TMEM51: variants seen among roughly 807,000 people sequenced by gnomAD.
TMEM51 encodes chromosome 1 open reading frame 72.
TMEM51 carries 8 observed loss-of-function variants against 13.6 expected under a neutral mutation model. The ratio of observed to expected loss-of-function variants is 0.59; its 90% CI spans 0.35 to 1.07. TMEM51 has a LOEUF of 1.07. TMEM51 is among the 50% of genes least tolerant of loss of function. The pLI is 0.02. For missense variants in TMEM51, 279 were observed against 330.7 expected (o/e 0.84, Z 1.21); for synonymous variants, 147 against 144.4 (o/e 1.02, Z -0.13).
intron 1 of TMEM51, among the ~76,000 whole-genome samples, chr1:15,194,949 G>A (rs1303958885): frequency 7.5e-6 from 1 of 133,930 alleles, no homozygotes; most frequent in African/African-American, 2.8e-5. Flanking sequence ...TTGAGACAGG[G>A]TCTTGCTGTG....
chr1:15,179,113 AAG>A (rs1643535746), intron 1 of TMEM51, among the ~76,000 whole-genome samples: 2 of 151,490 alleles, frequency 1.3e-5, no homozygotes, highest in African/African-American at 2.4e-5. Flanking sequence ...TGGGGCTTAA[AAG>A]AGAACAGACT....
chr1:15,213,638 G>A (rs781131857), intron 2 of TMEM51, among the ~76,000 whole-genome samples: 1 of 152,170 alleles, frequency 6.6e-6, no homozygotes, highest in Admixed American at 6.6e-5. Context: ...TCCCAGGACC[G>A]CTGGCTGCTC....
At chr1:15,196,054 T>C (rs1233170950) in intron 1 of TMEM51, among the ~76,000 whole-genome samples, 1 of 152,228 alleles carries the variant, frequency 6.6e-6, no homozygotes, top group African/African-American at 2.4e-5. Context: ...GCGACTTTGC[T>C]GTGTGTGCAT....
At chr1:15,195,116 AGAGATG>A (rs892165094) in intron 1 of TMEM51, among the ~76,000 whole-genome samples, 2 of 151,558 alleles carry the variant, frequency 1.3e-5, no homozygotes, top group Non-Finnish European at 2.9e-5. Context: ...TATTTTTTGT[AGAGATG>A]GGGTTTCGTC....
intron 1 of TMEM51, among the ~76,000 whole-genome samples, chr1:15,200,118 A>T (rs1644126216): frequency 6.6e-6 from 1 of 152,022 alleles, no homozygotes; most frequent in Non-Finnish European, 1.5e-5. Flanking sequence ...AGGCCTTTAC[A>T]TAGGGGATCA....
chr1:15,186,475 G>C (rs1233373773), intron 1 of TMEM51, among the ~76,000 whole-genome samples: 3 of 152,158 alleles, frequency 2.0e-5, no homozygotes, highest in Non-Finnish European at 4.4e-5. Context: ...GGAGAGCGGG[G>C]GGTCATGGAT....
At chr1:15,178,790 C>T (rs1324737625) in intron 1 of TMEM51, among the ~76,000 whole-genome samples, 2 of 152,158 alleles carry the variant, frequency 1.3e-5, no homozygotes, top group Non-Finnish European at 2.9e-5. Flanking sequence ...TGCATTGGTC[C>T]CCTGGAGGTC....
chr1:15,209,345 C>T (rs1425073629), intron 1 of TMEM51, among the ~76,000 whole-genome samples: 1 of 152,070 alleles, frequency 6.6e-6, no homozygotes, highest in East Asian at 1.9e-4. Flanking sequence ...GATCCTCCCA[C>T]CTTGGCCTCC....
chr1:15,212,610 C>T (rs555165411), intron 2 of TMEM51, among the ~76,000 whole-genome samples: 1 of 152,342 alleles, frequency 6.6e-6, no homozygotes, highest in East Asian at 1.9e-4. Context: ...GACCTTGTCC[C>T]AGATCCATTT....
chr1:15,199,715 G>A (rs1166147579), intron 1 of TMEM51, among the ~76,000 whole-genome samples: 2 of 152,092 alleles, frequency 1.3e-5, no homozygotes, highest in African/African-American at 4.8e-5. Flanking sequence ...CTTTCCCTGT[G>A]GTACCTGCAC....
chr1:15,180,949 T>G (rs894118610), intron 1 of TMEM51, among the ~76,000 whole-genome samples: 2 of 152,200 alleles, frequency 1.3e-5, no homozygotes, highest in South Asian at 4.1e-4. Flanking sequence ...CACTGCACCA[T>G]GCTGTCATCA....
chr1:15,184,414 T>C (rs1573408006), intron 1 of TMEM51, among the ~76,000 whole-genome samples: 1 of 152,096 alleles, frequency 6.6e-6, no homozygotes, highest in South Asian at 2.1e-4. Flanking sequence ...GGGCAGAGGG[T>C]GGATCCAGGT....
chr1:15,176,716 G>T (rs1461306008), intron 1 of TMEM51, among the ~76,000 whole-genome samples: 1 of 152,240 alleles, frequency 6.6e-6, no homozygotes, highest in Non-Finnish European at 1.5e-5. Context: ...AGGAATTAAA[G>T]AATTCAGGTT....
At chr1:15,164,321 C>T (rs1177335293) in intron 1 of TMEM51, 1 of 455,934 alleles carries the variant, frequency 2.2e-6, no homozygotes, top group African/African-American at 2.0e-5. Flanking sequence ...AACTGTGACA[C>T]TTTCTCAGTC....
Position 15,219,700 on chromosome 1 carries a change from A to G in TMEM51, c.719A>G (p.Asp240Gly). The G allele has an allele frequency of 6.2e-7, 1 of 1,613,784 alleles. No individual in the cohort carries two copies. Among genetic ancestry groups the G allele is most frequent in the Non-Finnish European group, 8.5e-7 (1 of 1,180,030 alleles). Residue 240 changes from aspartate to glycine, a missense_variant, in exon 4 of 4, where the codon GAT (aspartate) becomes GGT (glycine). Asp to Gly is a moderately conservative substitution (Grantham distance 94, BLOSUM62 -1). Coordinates refer to ENST00000376008, the MANE Select transcript of TMEM51 (RefSeq NM_001136218.2). ...IEPLTPPPQY[D>G]EVQEKAPDTR... The stretch of plus-strand genomic sequence containing the variant: ...CCTTTGACTCCTCCACCGCAGTATG[A>G]TGAAGTCCAGGAGAAGGCCCCCGAC...
chr1:15,203,915 G>C (rs947499634), intron 1 of TMEM51, among the ~76,000 whole-genome samples: 5 of 152,154 alleles, frequency 3.3e-5, no homozygotes, highest in African/African-American at 1.2e-4. Flanking sequence ...ATACAAACCC[G>C]GCCTCTGATC....
chr1:15,193,987 A>T (rs558262792), intron 1 of TMEM51, among the ~76,000 whole-genome samples: 1 of 152,358 alleles, frequency 6.6e-6, no homozygotes, highest in African/African-American at 2.4e-5. Flanking sequence ...TGATTCACTC[A>T]ACAGATTCCA....
At chr1:15,185,551 C>G (rs1004207124) in intron 1 of TMEM51, among the ~76,000 whole-genome samples, 2 of 152,198 alleles carry the variant, frequency 1.3e-5, no homozygotes, top group African/African-American at 4.8e-5. Flanking sequence ...TTCAGATTTT[C>G]AGTTTAATAC....
At chr1:15,204,173 C>T (rs564152041) in intron 1 of TMEM51, among the ~76,000 whole-genome samples, 23 of 152,360 alleles carry the variant, frequency 1.5e-4, no homozygotes, top group Non-Finnish European at 2.6e-4. Context: ...GAACACTGAC[C>T]ACAGGCAGCA....
Sources: allele counts gnomAD v4.1 joint callset (sites outside exome capture counted in the v4.1 genomes callset), GRCh38; gene constraint gnomAD v4.1.1; transcripts MANE v1.5; gene names NCBI Gene and HGNC (gene_info 2026-07-23, HGNC 2026-07-21).